Variants in ECT2L observed in about 807,000 individuals in gnomAD.
The protein encoded by ECT2L is epithelial cell-transforming sequence 2 oncogene-like.
A neutral mutation model predicts 122.8 loss-of-function variants in ECT2L; 126 were observed. The observed-to-expected ratio is 1.03, with a 90% CI of 0.89 to 1.19. ECT2L has a LOEUF of 1.19. Ranked by LOEUF, ECT2L falls within the 50% of genes most tolerant of loss-of-function variation. The pLI is 0.00. For missense variants in ECT2L, 1,012 were observed against 1,064.1 expected, an observed-to-expected ratio of 0.95 and a Z score of 0.68; for synonymous variants, 385 against 381.8, an observed-to-expected ratio of 1.01 and a Z score of -0.10.
chr6:138,878,605 C>A (rs1466290611), intron 14 of ECT2L, among the ~76,000 whole-genome samples: 1 of 152,066 alleles, frequency 6.6e-6, no homozygotes, highest in East Asian at 1.9e-4. Context: ...TGCTACCACA[C>A]CCAGCTAATT....
intron 9 of ECT2L, among the ~76,000 whole-genome samples, chr6:138,849,726 G>A (rs1183766483): frequency 6.6e-6 from 1 of 151,880 alleles, no homozygotes; most frequent in Non-Finnish European, 1.5e-5. Context: ...GTGCCGCCAC[G>A]CCCAGCTAAT....
intron 5 of ECT2L, among the ~76,000 whole-genome samples, chr6:138,839,729 TTTTG>T (rs1233835252): frequency 6.6e-6 from 1 of 152,214 alleles, no homozygotes; most frequent in East Asian, 1.9e-4. Flanking sequence ...ACTATTTATT[TTTTG>T]TTTGTCCCAT....
At chr6:138,823,460 C>T in intron 4 of ECT2L, 1 of 1,605,290 alleles carries the variant, frequency 6.2e-7, no homozygotes, top group South Asian at 1.1e-5. Context: ...TATCTCGACC[C>T]CTAAAAGTTC....
chr6:138,836,357 C>T (rs1261364058), intron 4 of ECT2L, among the ~76,000 whole-genome samples: 5 of 147,806 alleles, frequency 3.4e-5, no homozygotes, highest in Admixed American at 1.4e-4. Context: ...GGCGCGATCT[C>T]GGCTCACTGC....
intron 4 of ECT2L, chr6:138,822,989 G>T (rs1453217067): frequency 6.2e-7 from 1 of 1,608,172 alleles, no homozygotes; most frequent in East Asian, 2.2e-5. Context: ...TGTACATCCT[G>T]AATTTGGCTG....
At chr6:138,902,220 C>T (rs1779419773) in intron 21 of ECT2L, among the ~76,000 whole-genome samples, 1 of 152,132 alleles carries the variant, frequency 6.6e-6, no homozygotes, top group Non-Finnish European at 1.5e-5. Flanking sequence ...ATTCCAGTTC[C>T]TTCTGGAGTG....
intron 20 of ECT2L, 79 bp downstream of exon 20, chr6:138,889,110 A>G: frequency 1.5e-6 from 1 of 654,048 alleles, no homozygotes; most frequent in Non-Finnish European, 2.5e-6. Context: ...TAGCTCCAGC[A>G]TTCAGTACAA....
chr6:138,888,417 A>G (rs1270353390), intron 19 of ECT2L, among the ~76,000 whole-genome samples: 1 of 151,236 alleles, frequency 6.6e-6, no homozygotes, highest in Non-Finnish European at 1.5e-5. Flanking sequence ...CCAGGGTTCA[A>G]GCAATTCTCC....
chr6:138,873,923 T>C (rs937754977), intron 13 of ECT2L, among the ~76,000 whole-genome samples: 1 of 151,168 alleles, frequency 6.6e-6, no homozygotes, highest in Non-Finnish European at 1.5e-5. Flanking sequence ...TGTCCATCCA[T>C]GTATCCATCT....
chr6:138,849,364 G>T lies in ECT2L; in HGVS notation c.999G>T (p.Leu333=). The T allele has an allele frequency of 6.2e-7, 1 of 1,613,986 alleles. No homozygotes were observed. Among genetic ancestry groups the T allele is most frequent in the Non-Finnish European group, 8.5e-7 (1 of 1,180,006 alleles). Residue 333 remains leucine (L), a synonymous_variant, in exon 9 of 22, where the codon CTG becomes CTT. Transcript: ENST00000541398. ...ESLLYLIEKA[L]DGQKAQSIGI... ...TTCTGTATCTTATAGAAAAAGCTCT[G>T]GATGGGCAGAAGGCACAGAGCATCG...
intron 1 of ECT2L, among the ~76,000 whole-genome samples, chr6:138,809,229 T>C (rs2128371409): frequency 6.6e-6 from 1 of 152,336 alleles, no homozygotes; most frequent in East Asian, 1.9e-4. Context: ...CCTGGTTTGC[T>C]GAGATCTTTT....
chr6:138,899,782 T>TA (rs1288807339), intron 20 of ECT2L, among the ~76,000 whole-genome samples: 1 of 150,168 alleles, frequency 6.7e-6, no homozygotes, highest in Admixed American at 6.7e-5. Context: ...TTAAAACATT[T>TA]AGTTTGCTTC....
Position 138,881,175 on chromosome 6 carries a change from A to G in ECT2L, c.1880+4A>G, listed in dbSNP as rs1302265655. On this transcript the variant is annotated splice_donor_region_variant and intron_variant, in intron 15 of 21. Coordinates refer to ENST00000541398, the MANE Select transcript of ECT2L (RefSeq NM_001077706.3). Reference sequence around the variant, plus strand: ...TACAGATTTTAAGTCTCAACAGGTAAACCCTGAATATGTATTTTTTTTAAT... The same window carrying G: ...TACAGATTTTAAGTCTCAACAGGTAGACCCTGAATATGTATTTTTTTTAAT... 1 of 1,612,398 alleles carries G rather than the reference A, an allele frequency of 6.2e-7. No individual in the cohort carries two copies. Among genetic ancestry groups the G allele is most frequent in the Admixed American group, 1.7e-5 (1 of 59,936 alleles).
At chr6:138,842,859 TCA>T (rs940092885) in intron 5 of ECT2L, 118 bp from the exon 6 acceptor site, 13 of 919,742 alleles carry the variant, frequency 1.4e-5, no homozygotes, top group African/African-American at 1.2e-4. Flanking sequence ...ATACAAATTC[TCA>T]GAGATTTTTG....
intron 20 of ECT2L, among the ~76,000 whole-genome samples, chr6:138,893,185 G>GTT (rs376508418): frequency 5.7e-5 from 7 of 122,728 alleles, no homozygotes; most frequent in Non-Finnish European, 9.7e-5. Flanking sequence ...TTTTTTTTTT[G>GTT]TTTTTTTTTG....
intron 1 of ECT2L, among the ~76,000 whole-genome samples, chr6:138,806,221 CT>C (rs1775706895): frequency 6.6e-6 from 1 of 152,182 alleles, no homozygotes; most frequent in Non-Finnish European, 1.5e-5. Context: ...AGCTCAGAGA[CT>C]TTTTATTTCA....
chr6:138,834,581 C>T (rs1457959882), intron 4 of ECT2L, among the ~76,000 whole-genome samples: 1 of 151,964 alleles, frequency 6.6e-6, no homozygotes, highest in Non-Finnish European at 1.5e-5. Context: ...GAAAGGAGGC[C>T]GGAAACATCT....
chr6:138,798,014 T>A (rs192998247), intron 1 of ECT2L, among the ~76,000 whole-genome samples: 23 of 152,332 alleles, frequency 1.5e-4, no homozygotes, highest in Non-Finnish European at 1.5e-5. Context: ...ACACTTTACT[T>A]ATGTTTGCCC....
intron 16 of ECT2L, among the ~76,000 whole-genome samples, chr6:138,885,119 C>G (rs1169917887): frequency 3.4e-5 from 5 of 148,272 alleles, no homozygotes. Context: ...AGCTCCGCCT[C>G]ACAGGTTCAT....
Sources: allele counts gnomAD v4.1 joint callset (sites outside exome capture counted in the v4.1 genomes callset), GRCh38; gene constraint gnomAD v4.1.1; transcripts MANE v1.5; gene names NCBI Gene and HGNC (gene_info 2026-07-23, HGNC 2026-07-21).